PADI2: variants seen among roughly 807,000 people sequenced by gnomAD.
The protein encoded by PADI2 is protein-arginine deiminase type-2.
PADI2 carries 70 observed loss-of-function variants against 81.1 expected under a neutral mutation model. That is an observed-to-expected ratio of 0.86 (90% CI 0.71 to 1.05). The LOEUF is 1.05. PADI2 is among the 50% of genes least tolerant of loss of function. The pLI is 0.00. For synonymous variants in PADI2, 338 were observed against 358.0 expected, an observed-to-expected ratio of 0.94 and a Z score of 0.63; for missense variants, 853 against 889.9, an observed-to-expected ratio of 0.96 and a Z score of 0.53.
At chr1:17,097,931 T>A (rs569887635) in intron 3 of PADI2, among the ~76,000 whole-genome samples, 1 of 152,138 alleles carries the variant, frequency 6.6e-6, no homozygotes, top group Admixed American at 6.5e-5. Context: ...GGAGCCACTC[T>A]GTCCTTTTCA....
chr1:17,098,528 C>G (rs1931025708), intron 3 of PADI2, among the ~76,000 whole-genome samples: 2 of 152,198 alleles, frequency 1.3e-5, no homozygotes, highest in Admixed American at 1.3e-4. Flanking sequence ...ACAGCAGTTC[C>G]TTGTCCAGCC....
At chr1:17,104,426 CTTTT>C (rs1557771163) in intron 2 of PADI2, among the ~76,000 whole-genome samples, 1 of 98,294 alleles carries the variant, frequency 1.0e-5, no homozygotes, top group African/African-American at 3.8e-5. Flanking sequence ...TTCTTTTTGC[CTTTT>C]CTTTTTTTTT....
chr1:17,111,082 CTTTT>C (rs779445292), intron 1 of PADI2, among the ~76,000 whole-genome samples: 4 of 93,894 alleles, frequency 4.3e-5, no homozygotes, highest in Non-Finnish European at 8.3e-5. Flanking sequence ...AAAGACAGAC[CTTTT>C]TTTTTTTTTT....
rs2078236300 is a variant in PADI2 at position 17,068,144 on chromosome 1, T to C, written c.*900A>G. The stretch of plus-strand genomic sequence containing the variant: ...GGCTGCTGGCGAACAAGTTCTTGTC[T>C]AGCTGCCTGGACAGATGGCACCAGG... On this transcript the variant is annotated 3_prime_UTR_variant, in exon 16 of 16. Coordinates refer to ENST00000375486, the MANE Select transcript of PADI2 (RefSeq NM_007365.3). The C allele has an allele frequency of 6.5e-6, 1 of 152,702 alleles. No individual in the cohort carries two copies. The highest frequency in any genetic ancestry group is 1.5e-5 in the Non-Finnish European group (1 of 68,106). The allele number at this position is 152,702 out of a possible 1,614,324, so 9.5% of individuals were successfully genotyped here. A position where few individuals can be genotyped will look rare whatever the true frequency, so the allele number is the denominator to read the frequency against.
At chr1:17,092,981 A>G (rs1930759244) in intron 5 of PADI2, among the ~76,000 whole-genome samples, 1 of 151,808 alleles carries the variant, frequency 6.6e-6, no homozygotes, top group Non-Finnish European at 1.5e-5. Context: ...AAAGAAAAAG[A>G]AAAAAGCAAA....
intron 3 of PADI2, 102 bp downstream of exon 3, chr1:17,102,885 C>T (rs954583823): frequency 2.1e-5 from 17 of 808,924 alleles, no homozygotes; most frequent in Non-Finnish European, 1.3e-5. Flanking sequence ...GCTCCAAGTG[C>T]CAGGTCAGCC....
intron 7 of PADI2, among the ~76,000 whole-genome samples, chr1:17,085,875 T>C (rs560929482): frequency 1.3e-5 from 2 of 152,108 alleles, no homozygotes; most frequent in East Asian, 3.9e-4. Flanking sequence ...CGAAACAGGG[T>C]GGGCCTGAGA....
intron 13 of PADI2, among the ~76,000 whole-genome samples, chr1:17,074,253 A>G (rs1041741780): frequency 2.6e-5 from 4 of 151,948 alleles, no homozygotes; most frequent in Non-Finnish European, 5.9e-5. Flanking sequence ...TTAGCTGGGC[A>G]TAGTGGTGCC....
At chr1:17,099,992 C>G (rs1431380509) in intron 3 of PADI2, among the ~76,000 whole-genome samples, 3 of 151,854 alleles carry the variant, frequency 2.0e-5, no homozygotes, top group Non-Finnish European at 4.4e-5. Flanking sequence ...GAGAGAGATT[C>G]AGATACATTT....
At chr1:17,095,091 CAG>C (rs2101596041) in intron 4 of PADI2, among the ~76,000 whole-genome samples, 1 of 152,282 alleles carries the variant, frequency 6.6e-6, no homozygotes, top group African/African-American at 2.4e-5. Flanking sequence ...CTCTAGGCTT[CAG>C]AGTGTTATTA....
chr1:17,077,696 G>C (rs151029141), intron 11 of PADI2, among the ~76,000 whole-genome samples: 1 of 152,208 alleles, frequency 6.6e-6, no homozygotes, highest in Admixed American at 6.5e-5. Context: ...GGAGGCAAAA[G>C]TGGGCAAACA....
Position 17,067,301 on chromosome 1 carries a change from C to T in PADI2, c.*1743G>A, listed in dbSNP as rs2078229808. The T allele has an allele frequency of 6.6e-6, 1 of 150,680 alleles. No homozygotes were observed. Among genetic ancestry groups the T allele is most frequent in the Non-Finnish European group, 1.5e-5 (1 of 67,764 alleles). 9.3% of individuals were successfully genotyped at this position (150,680 alleles called of 1,614,324 possible). On this transcript the variant is annotated 3_prime_UTR_variant, in exon 16 of 16. Coordinates refer to ENST00000375486, the MANE Select transcript of PADI2 (RefSeq NM_007365.3). ...CTCTAAGTCTCCAGACAGACACCCT[C>T]AAATAGGCACTTGGTGTTTTCAGCT...
chr1:17,102,759 G>GGGT (rs201696172), intron 3 of PADI2, among the ~76,000 whole-genome samples: 1 of 151,036 alleles, frequency 6.6e-6, no homozygotes, highest in Non-Finnish European at 1.5e-5. Context: ...CTTGGGGGGG[G>GGGT]GTTGCTGATG....
intron 15 of PADI2, 27 bp downstream of exon 15, chr1:17,070,061 C>A: frequency 6.2e-7 from 1 of 1,609,104 alleles, no homozygotes; most frequent in Non-Finnish European, 8.5e-7. Context: ...TGGCATGGGG[C>A]GAGGGTTGGG....
intron 1 of PADI2, among the ~76,000 whole-genome samples, chr1:17,105,546 C>T (rs1931341889): frequency 6.6e-6 from 1 of 152,078 alleles, no homozygotes; most frequent in Non-Finnish European, 1.5e-5. Flanking sequence ...AGGCATGCAC[C>T]ACCACAGCTG....
chr1:17,104,110 A>G (rs74834335), intron 2 of PADI2, among the ~76,000 whole-genome samples: 3,127 of 144,556 alleles, frequency 0.022, 98 homozygotes, highest in East Asian at 0.12. Flanking sequence ...GTGAAACCCC[A>G]TCTCTACTAA....
chr1:17,081,861 C>A (rs2295048), intron 10 of PADI2, among the ~76,000 whole-genome samples: 33 of 152,068 alleles, frequency 2.2e-4, no homozygotes, highest in Admixed American at 1.1e-3. Flanking sequence ...ACCTGTAATC[C>A]CAGCACTTTG....
At position 17,084,213 on chromosome 1, in the gene PADI2, T is replaced by C. The variant is rs573472513; in HGVS notation, c.939-376A>G. ...TAGCCATCTAATCACAGGCACTTTT[T>C]CCCTTGGTTCTCATCTTGCTGTTGT... On this transcript the variant is annotated intron_variant, in intron 8 of 15. Transcript: ENST00000375486. Among the ~76,000 whole-genome samples the C allele has an allele frequency of 4.6e-5, 7 of 152,318 alleles. No homozygotes were observed. The South Asian group carries it at 1.2e-3, about 27-fold the overall frequency.
intron 10 of PADI2, among the ~76,000 whole-genome samples, chr1:17,081,809 CAAACAAAG>C (rs1271501339): frequency 2.0e-5 from 3 of 151,794 alleles, no homozygotes; most frequent in East Asian, 1.9e-4. Context: ...AACAAACAAA[CAAACAAAG>C]AAACAAAAAA....
Sources: allele counts gnomAD v4.1 joint callset (sites outside exome capture counted in the v4.1 genomes callset), GRCh38; gene constraint gnomAD v4.1.1; transcripts MANE v1.5; gene names NCBI Gene and HGNC (gene_info 2026-07-23, HGNC 2026-07-21).